The following ABHD4 variants were observed in gnomAD, a reference collection of about 807,000 sequenced individuals.
ABHD4 encodes abhydrolase domain containing 4, N-acyl phospholipase B.
Under a neutral mutation model 42.3 loss-of-function variants are expected in ABHD4, and 35 were observed. That is an observed-to-expected ratio of 0.83 (90% CI 0.63 to 1.10). The LOEUF is 1.10. Among genes scored for constraint, ABHD4 ranks in the 50% least tolerant of loss-of-function variants. The probability of loss-of-function intolerance (pLI) is 0.00; values close to 1 mark genes in which losing one functional copy is unlikely to be tolerated. For synonymous variants in ABHD4, 169 were observed against 170.6 expected (o/e 0.99, Z 0.07); for missense variants, 389 against 454.8 (o/e 0.86, Z 1.32).
chr14:22,611,003 T>G lies in ABHD4; in HGVS notation c.*55T>G. 6.7e-7 allele frequency: 1 copy of G among 1,486,696 alleles called. No individual in the cohort carries two copies. The highest frequency in any genetic ancestry group is 1.4e-5 in the African/African-American group (1 of 72,536). 92.1% of individuals were successfully genotyped at this position (1,486,696 alleles called of 1,614,324 possible). A position where few individuals can be genotyped will look rare whatever the true frequency, so the allele number is the denominator to read the frequency against. On this transcript the variant is annotated 3_prime_UTR_variant, in exon 7 of 7. Transcript: ENST00000428304. Reference sequence around the variant, plus strand: ...CCAGAGAGTCACTCTTACCTCCCTGTCTGCTTACTCACCCACTCTGTCCTT... The same window carrying G: ...CCAGAGAGTCACTCTTACCTCCCTGGCTGCTTACTCACCCACTCTGTCCTT...
Position 22,604,028 on chromosome 14 carries a change from G to GT in ABHD4, c.590dup (p.Leu198ProfsTer37). 1 of 1,614,214 alleles carries GT rather than the reference G, an allele frequency of 6.2e-7. No individual in the cohort carries two copies. On this transcript the variant is annotated frameshift_variant, in exon 4 of 7. Transcript: ENST00000428304. LOFTEE classifies it high-confidence loss of function. ...AGCCTGGGTCAAAGCCGTGGCATCT[G>GT]TCCTAGGACGTTCCAATCCATTGGC...
chr14:22,608,775 C>T (rs150852665), intron 5 of ABHD4, among the ~76,000 whole-genome samples: 17,877 of 152,180 alleles, frequency 0.12, 1,781 homozygotes, highest in African/African-American at 0.27. Context: ...GATCTCGGCT[C>T]ACTGCAACCT....
At chr14:22,609,950 A>G (rs749963040) in intron 6 of ABHD4, 40 bp downstream of exon 6, 2 of 1,596,886 alleles carry the variant, frequency 1.3e-6, no homozygotes, top group Admixed American at 1.7e-5. Flanking sequence ...GATGACTGAG[A>G]GTCAATCACC....
intron 3 of ABHD4, 31 bp downstream of exon 3, chr14:22,603,793 C>T (rs1427245627): frequency 6.4e-7 from 1 of 1,565,376 alleles, no homozygotes; most frequent in South Asian, 1.2e-5. Flanking sequence ...TCCCTCGTGA[C>T]CTAATTCCTG....
intron 5 of ABHD4, among the ~76,000 whole-genome samples, chr14:22,607,242 G>A (rs1283906631): frequency 6.6e-6 from 1 of 152,084 alleles, no homozygotes; most frequent in African/African-American, 2.4e-5. Flanking sequence ...TACACAGCAG[G>A]CCCCACAAGC....
At position 22,609,744 on chromosome 14, in the gene ABHD4, C is replaced by T; in HGVS notation, c.773C>T (p.Ala258Val). Residue 258 changes from alanine to valine, a missense_variant, in exon 6 of 7, where the codon GCC becomes GTC. By Grantham distance (64) the Ala-to-Val change is moderately conservative. Transcript: ENST00000428304. ...GACAGTGGTGAGACAGCATTCAAAG[C>T]CATGATGGAGTCCTTTGGCTGGGCC... ...QNPSGETAFK[A>V]MMESFGWARR... 2 of 1,613,896 alleles carry T rather than the reference C, an allele frequency of 1.2e-6. No individual in the cohort carries two copies. Among genetic ancestry groups the T allele is most frequent in the Non-Finnish European group, 1.7e-6 (2 of 1,179,960 alleles).
chr14:22,609,653 C>T (rs1289036163), intron 5 of ABHD4, 71 bp from the exon 6 acceptor site: 2 of 1,486,786 alleles, frequency 1.3e-6, no homozygotes, highest in African/African-American at 1.4e-5. Context: ...AAGATTCTGC[C>T]TCAGTCTCTG....
At chr14:22,604,193 G>T in intron 4 of ABHD4, 114 bp downstream of exon 4, 1 of 1,210,484 alleles carries the variant, frequency 8.3e-7, no homozygotes, top group Admixed American at 2.3e-5. Flanking sequence ...GTTATTTAAA[G>T]CTGTTAATCT....
In ABHD4 at chr14:22,611,914, G is replaced by C. The variant is rs549109722; in HGVS notation, c.*966G>C. ...GCAAAGGTGGCTCCTGGTGAAGAGA[G>C]GGTGGAAAGGCCCTTCAGCCCCAGG... On this transcript the variant is annotated 3_prime_UTR_variant, in exon 7 of 7. Coordinates refer to ENST00000428304, the MANE Select transcript of ABHD4 (RefSeq NM_022060.3). 13 of 152,880 alleles carry C rather than the reference G, an allele frequency of 8.5e-5. No individual in the cohort carries two copies. Among genetic ancestry groups the C allele is most frequent in the African/African-American group, 2.9e-4 (12 of 41,530 alleles). 9.5% of individuals were successfully genotyped at this position (152,880 alleles called of 1,614,324 possible).
In ABHD4 at chr14:22,609,855, C is replaced by G; in HGVS notation, c.884C>G (p.Thr295Ser). ...TACGGGTCCGACACCTGGATAGATACCAGTACGGGAAAAAAGGTGAAGATG... is the reference window on the plus strand; with the variant it reads ...TACGGGTCCGACACCTGGATAGATAGCAGTACGGGAAAAAAGGTGAAGATG... Reference protein sequence around the residue: ...MIYGSDTWIDTSTGKKVKMQR... With the variant: ...MIYGSDTWIDSSTGKKVKMQR... The change falls in exon 6 of 7, where the codon ACC becomes AGC. Residue 295 changes from threonine to serine, a missense_variant. Coordinates refer to ENST00000428304, the MANE Select transcript of ABHD4 (RefSeq NM_022060.3). 1 of 1,613,952 alleles carries G rather than the reference C, an allele frequency of 6.2e-7. No homozygotes were observed. The highest frequency in any genetic ancestry group is 1.1e-5 in the South Asian group (1 of 91,076).
chr14:22,603,480 G>A lies in ABHD4; in HGVS notation c.203G>A (p.Arg68His), dbSNP rs142817719. The change falls in exon 3 of 7, where the codon CGC (arginine) becomes CAC (histidine). Residue 68 changes from arginine (R) to histidine (H), a missense_variant. Transcript: ENST00000428304. ...ACTGTGAGCCCCGAGCAAAACGACC[G>A]CACCCCCTTGGTGATGGTGCATGGT... Reference protein sequence around the residue: ...TVTVSPEQNDRTPLVMVHGFG... With the variant: ...TVTVSPEQNDHTPLVMVHGFG... 52 of 1,614,002 alleles carry A rather than the reference G, an allele frequency of 3.2e-5. No individual in the cohort carries two copies. Among genetic ancestry groups the A allele is most frequent in the African/African-American group, 3.2e-4 (24 of 74,912 alleles).
chr14:22,604,068 C>T lies in ABHD4; in HGVS notation c.629C>T (p.Ala210Val), dbSNP rs2037319623. ...RSNPLAVLRV[A>V]GPWGPGLVQR... ...AATCCATTGGCTGTTCTTCGAGTAG[C>T]TGGGCCCTGGGGTGAGTAGCCTGTA... Residue 210 changes from alanine to valine, a missense_variant, in exon 4 of 7, where the codon GCT (alanine) becomes GTT (valine). Transcript: ENST00000428304. 1 of 1,614,060 alleles carries T rather than the reference C, an allele frequency of 6.2e-7. No individual in the cohort carries two copies. The highest frequency in any genetic ancestry group is 1.3e-5 in the African/African-American group (1 of 74,916).
intron 1 of ABHD4, 74 bp downstream of exon 1, chr14:22,598,403 A>G (rs1594888926): frequency 6.4e-7 from 1 of 1,550,578 alleles, no homozygotes; most frequent in East Asian, 2.4e-5. Flanking sequence ...TCTGTGGCTG[A>G]GGAACAGTTG....
chr14:22,606,738 A>G (rs569609832), intron 5 of ABHD4, among the ~76,000 whole-genome samples: 7 of 152,184 alleles, frequency 4.6e-5, no homozygotes, highest in Non-Finnish European at 8.8e-5. Context: ...TTAATTAAAC[A>G]TGCTGCCCAT....
At chr14:22,604,908 T>A (rs902180980) in intron 4 of ABHD4, among the ~76,000 whole-genome samples, 4 of 152,182 alleles carry the variant, frequency 2.6e-5, no homozygotes, top group Non-Finnish European at 5.9e-5. Context: ...CCACACCCAA[T>A]CTGTGTGAAA....
intron 3 of ABHD4, 72 bp downstream of exon 3, chr14:22,603,834 C>T: frequency 6.3e-7 from 1 of 1,580,636 alleles, no homozygotes; most frequent in Non-Finnish European, 8.6e-7. Context: ...GTATTCATTT[C>T]CAAACTTCTC....
chr14:22,603,303 G>T, intron 2 of ABHD4, 87 bp from the exon 3 acceptor site: 1 of 1,535,180 alleles, frequency 6.5e-7, no homozygotes, highest in Non-Finnish European at 8.9e-7. Context: ...CGGGAATGGA[G>T]AGAATGTGAA....
intron 4 of ABHD4, among the ~76,000 whole-genome samples, chr14:22,604,878 G>A (rs1165739811): frequency 6.6e-6 from 1 of 152,220 alleles, no homozygotes; most frequent in Non-Finnish European, 1.5e-5. Flanking sequence ...CCAAAGTGCT[G>A]GGATTACAGG....
At chr14:22,607,156 G>C (rs994960084) in intron 5 of ABHD4, among the ~76,000 whole-genome samples, 4 of 152,190 alleles carry the variant, frequency 2.6e-5, no homozygotes, top group South Asian at 4.1e-4. Flanking sequence ...CATTGAGACA[G>C]AAATTTTTTT....
Sources: gnomAD v4.1 joint callset for allele counts (sites outside exome capture counted in the v4.1 genomes callset) on GRCh38, gnomAD v4.1.1 for gene constraint, MANE v1.5 for transcripts, NCBI Gene and HGNC (gene_info 2026-07-23, HGNC 2026-07-21) for gene names.